Variants in FGF12 observed in about 807,000 individuals in gnomAD.
FGF12 encodes fibroblast growth factor 12, also known as fibroblast growth factor 12B.
A neutral mutation model predicts 23.6 loss-of-function variants in FGF12; 14 were observed. The observed-to-expected ratio is 0.59, with a 90% CI of 0.39 to 0.93. The LOEUF is 0.93. FGF12 is among the 40% of genes least tolerant of loss of function. The pLI is 0.00. For synonymous variants in FGF12, 62 were observed against 77.3 expected (o/e 0.80, Z 1.04); for missense variants, 175 against 217.8 (o/e 0.80, Z 1.24).
At chr3:192,659,472 C>A (rs1416867110) in intron 2 of FGF12, among the ~76,000 whole-genome samples, 2 of 152,226 alleles carry the variant, frequency 1.3e-5, no homozygotes, top group Non-Finnish European at 2.9e-5. Flanking sequence ...GCTCCCTCTC[C>A]AACCTGCAGA....
rs147990366 is a variant in FGF12, at chr3:192,278,860, C to A, written c.228+56501G>T. On this transcript the variant is annotated intron_variant, in intron 4 of 5. Coordinates refer to ENST00000445105, the MANE Select transcript of FGF12 (RefSeq NM_004113.6). ...CAATCAAGTAACAATTCTCTGGTTCCCTTCCTGCTCCTCCCTCTCCATAGT... is the reference window on the plus strand; with the variant it reads ...CAATCAAGTAACAATTCTCTGGTTCACTTCCTGCTCCTCCCTCTCCATAGT... 9.2e-5 allele frequency among the ~76,000 whole-genome samples: 14 copies of A among 152,226 alleles called. No individual in the cohort carries two copies. The East Asian group carries it at 2.7e-3, about 29-fold the overall frequency.
At chr3:192,178,517 C>T (rs1715986453) in intron 4 of FGF12, among the ~76,000 whole-genome samples, 1 of 151,168 alleles carries the variant, frequency 6.6e-6, no homozygotes, top group African/African-American at 2.4e-5. Flanking sequence ...TTTTTTTTTC[C>T]AGAGGGAGTC....
chr3:192,556,587 C>CTT lies in FGF12; in HGVS notation c.13+170593_13+170594insAA, dbSNP rs1335391591. ...ACAATGATAATAGGAGATTTCAATA[C>CTT]TCCACTTTCAATAATGGACCAAACA... On this transcript the variant is annotated intron_variant, in intron 2 of 5. Transcript: ENST00000445105. Among the ~76,000 whole-genome samples, 6 of 152,220 alleles carry CTT rather than the reference C, an allele frequency of 3.9e-5. No individual in the cohort carries two copies. The East Asian group carries it at 1.2e-3, about 29-fold the overall frequency.
At chr3:192,540,133 A>T (rs1725328576) in intron 2 of FGF12, among the ~76,000 whole-genome samples, 1 of 151,284 alleles carries the variant, frequency 6.6e-6, no homozygotes, top group African/African-American at 2.4e-5. Context: ...TCTTAATTTC[A>T]CATTCACTTA....
intron 2 of FGF12, among the ~76,000 whole-genome samples, chr3:192,364,981 T>C (rs1446631165): frequency 6.6e-6 from 1 of 152,086 alleles, no homozygotes; most frequent in Non-Finnish European, 1.5e-5. Context: ...GAATAGCACT[T>C]TACCTCTGTG....
intron 4 of FGF12, among the ~76,000 whole-genome samples, chr3:192,188,019 CAG>C (rs954328719): frequency 5.9e-5 from 9 of 152,112 alleles, no homozygotes; most frequent in African/African-American, 1.9e-4. Flanking sequence ...CCAGGAGTTT[CAG>C]AGACATTCCA....
intron 2 of FGF12, among the ~76,000 whole-genome samples, chr3:192,719,188 C>A (rs965267627): frequency 3.3e-5 from 5 of 152,074 alleles, no homozygotes; most frequent in Non-Finnish European, 7.4e-5. Flanking sequence ...AGTGTATCAC[C>A]AGAGTATACA....
rs1228302359 is a variant in FGF12 at position 192,142,255 on chromosome 3, T to C, written c.*1754A>G. 1 of 152,550 alleles carries C rather than the reference T, an allele frequency of 6.6e-6. No individual in the cohort carries two copies. The highest frequency in any genetic ancestry group is 6.5e-5 in the Admixed American group (1 of 15,268). The allele number at this position is 152,550 out of a possible 1,614,324, so 9.4% of individuals were successfully genotyped here. ...ATAGGATACCTGGTGAAGGATATGG[T>C]CCACTATTGAAGAATAATGATTGTG... is the stretch of plus-strand genomic sequence containing the variant. On this transcript the variant is annotated 3_prime_UTR_variant, in exon 6 of 6. Coordinates refer to ENST00000445105, the MANE Select transcript of FGF12 (RefSeq NM_004113.6).
intron 3 of FGF12, among the ~76,000 whole-genome samples, chr3:192,359,685 G>A (rs540937812): frequency 1.3e-5 from 2 of 151,990 alleles, no homozygotes; most frequent in South Asian, 2.1e-4. Context: ...TTGTCATACC[G>A]TGATGATTGC....
chr3:192,257,435 A>G (rs1712470627), intron 4 of FGF12, among the ~76,000 whole-genome samples: 2 of 152,140 alleles, frequency 1.3e-5, no homozygotes, highest in South Asian at 2.1e-4. Context: ...TTGCACACAT[A>G]TTGCTTGTAA....
intron 2 of FGF12, among the ~76,000 whole-genome samples, chr3:192,645,210 T>G (rs1395503092): frequency 6.6e-6 from 1 of 152,038 alleles, no homozygotes; most frequent in African/African-American, 2.4e-5. Flanking sequence ...GGTCAACTAT[T>G]AGATTTAGAA....
At chr3:192,647,549 A>G (rs550128026) in intron 2 of FGF12, among the ~76,000 whole-genome samples, 1 of 151,922 alleles carries the variant, frequency 6.6e-6, no homozygotes, top group African/African-American at 2.4e-5. Context: ...AAAAAAGTGG[A>G]CTTATCAATT....
chr3:192,489,708 C>T (rs1723742806), intron 2 of FGF12, among the ~76,000 whole-genome samples: 1 of 151,960 alleles, frequency 6.6e-6, no homozygotes, highest in Non-Finnish European at 1.5e-5. Context: ...ATATCTGGAA[C>T]TGCAACAACT....
At chr3:192,148,082 C>T (rs776091416) in intron 5 of FGF12, among the ~76,000 whole-genome samples, 2 of 152,046 alleles carry the variant, frequency 1.3e-5, no homozygotes, top group Non-Finnish European at 2.9e-5. Context: ...TACGGATGTA[C>T]CATATGATCC....
At chr3:192,707,887 G>C (rs540658759) in intron 2 of FGF12, among the ~76,000 whole-genome samples, 49 of 152,128 alleles carry the variant, frequency 3.2e-4, no homozygotes, top group Non-Finnish European at 5.9e-5. Flanking sequence ...CCAGGGATGA[G>C]GATTGATGAT....
chr3:192,400,474 TTC>T (rs2108770077), intron 2 of FGF12, among the ~76,000 whole-genome samples: 1 of 151,278 alleles, frequency 6.6e-6, no homozygotes, highest in South Asian at 2.1e-4. Flanking sequence ...GTTCAAATGA[TTC>T]TCCTGCCTCA....
intron 2 of FGF12, among the ~76,000 whole-genome samples, chr3:192,548,267 T>A (rs186071932): frequency 1.2e-4 from 18 of 152,156 alleles, no homozygotes; most frequent in African/African-American, 4.1e-4. Context: ...CAACTTAAAG[T>A]CCTTAATTCC....
At chr3:192,578,400 C>T (rs1560157117) in intron 2 of FGF12, among the ~76,000 whole-genome samples, 1 of 152,162 alleles carries the variant, frequency 6.6e-6, no homozygotes, top group Non-Finnish European at 1.5e-5. Flanking sequence ...AGGATTTAAA[C>T]CCAAGTCTTG....
intron 2 of FGF12, among the ~76,000 whole-genome samples, chr3:192,576,775 T>C (rs1315528001): frequency 6.6e-6 from 1 of 152,184 alleles, no homozygotes; most frequent in Non-Finnish European, 1.5e-5. Context: ...ATTGCGGCAC[T>C]ATTCACAATA....
Sources: gnomAD v4.1 joint callset for allele counts (sites outside exome capture counted in the v4.1 genomes callset) on GRCh38, gnomAD v4.1.1 for gene constraint, MANE v1.5 for transcripts, NCBI Gene and HGNC (gene_info 2026-07-23, HGNC 2026-07-21) for gene names.